KCNK9: variants seen among roughly 807,000 people sequenced by gnomAD.
The protein encoded by KCNK9 is potassium channel subfamily K member 9.
KCNK9 carries 1 observed loss-of-function variant against 10.8 expected under a neutral mutation model. That is an observed-to-expected ratio of 0.09 (90% CI 0.03 to 0.44). KCNK9 has a LOEUF of 0.44. Among genes scored for constraint, KCNK9 ranks in the 20% least tolerant of loss-of-function variants. KCNK9 has a pLI of 0.97. For missense variants in KCNK9, 303 were observed against 515.0 expected, an observed-to-expected ratio of 0.59 and a Z score of 3.98; for synonymous variants, 231 against 222.7, an observed-to-expected ratio of 1.04 and a Z score of -0.33.
intron 1 of KCNK9, among the ~76,000 whole-genome samples, chr8:139,626,910 A>T (rs562829350): frequency 6.6e-6 from 1 of 152,338 alleles, no homozygotes; most frequent in East Asian, 1.9e-4. Flanking sequence ...CCTGGCTCCC[A>T]CGGAAGCCTG....
At chr8:139,649,124 A>G (rs896535521) in intron 1 of KCNK9, among the ~76,000 whole-genome samples, 1 of 151,998 alleles carries the variant, frequency 6.6e-6, no homozygotes, top group Admixed American at 6.5e-5. Context: ...CTTTTATTCC[A>G]TATCTCAGGA....
chr8:139,613,330 G>A (rs1254842889), downstream of KCNK9, among the ~76,000 whole-genome samples: 2 of 152,150 alleles, frequency 1.3e-5, no homozygotes, highest in South Asian at 2.1e-4. Context: ...GTGGGGGACC[G>A]TGGTCATAGA....
At chr8:139,621,397 A>G (rs1814776206) in intron 1 of KCNK9, among the ~76,000 whole-genome samples, 1 of 152,180 alleles carries the variant, frequency 6.6e-6, no homozygotes, top group African/African-American at 2.4e-5. Flanking sequence ...CACACGCCAG[A>G]GTCAAGCTGC....
intron 1 of KCNK9, among the ~76,000 whole-genome samples, chr8:139,669,588 C>A (rs991761082): frequency 6.6e-6 from 1 of 152,234 alleles, no homozygotes; most frequent in East Asian, 1.9e-4. Context: ...CATCTTCAGG[C>A]TCCACTTCTA....
chr8:139,639,316 A>C (rs1370508775), intron 1 of KCNK9, among the ~76,000 whole-genome samples: 6 of 152,250 alleles, frequency 3.9e-5, no homozygotes, highest in African/African-American at 1.4e-4. Context: ...GGAGGCATGG[A>C]AGGTGGAGAC....
chr8:139,605,642 T>C (rs1817469565), intron 2 of KCNK9, among the ~76,000 whole-genome samples: 2 of 152,160 alleles, frequency 1.3e-5, no homozygotes, highest in Non-Finnish European at 2.9e-5. Flanking sequence ...AAACGTGCCA[T>C]AGAGATTTTA....
intron 1 of KCNK9, among the ~76,000 whole-genome samples, chr8:139,655,033 G>T (rs983460698): frequency 2.4e-4 from 36 of 152,148 alleles, no homozygotes; most frequent in African/African-American, 8.2e-4. Context: ...GGCGGGGGGC[G>T]GGCGCTGGGG....
chr8:139,603,724 C>G (rs890843581), intron 2 of KCNK9, among the ~76,000 whole-genome samples: 6 of 152,282 alleles, frequency 3.9e-5, no homozygotes, highest in African/African-American at 1.4e-4. Flanking sequence ...GAGCTTGGGC[C>G]TTGGCTAAAA....
intron 1 of KCNK9, among the ~76,000 whole-genome samples, chr8:139,629,157 A>G (rs1002823460): frequency 6.6e-6 from 1 of 152,252 alleles, no homozygotes; most frequent in African/African-American, 2.4e-5. Flanking sequence ...GAGCCTCGAT[A>G]CACATCAGCT....
chr8:139,621,433 T>C (rs1234836454), intron 1 of KCNK9, among the ~76,000 whole-genome samples: 1 of 152,054 alleles, frequency 6.6e-6, no homozygotes, highest in African/African-American at 2.4e-5. Flanking sequence ...ATAATGAAAG[T>C]AGCCAGAGAG....
intron 1 of KCNK9, among the ~76,000 whole-genome samples, chr8:139,658,810 T>A (rs930170657): frequency 1.3e-5 from 2 of 152,264 alleles, no homozygotes; most frequent in Non-Finnish European, 2.9e-5. Flanking sequence ...GCTCTCCTTC[T>A]GGGCTGTTCC....
At chr8:139,683,298 C>T (rs989373637) in intron 1 of KCNK9, among the ~76,000 whole-genome samples, 1 of 152,136 alleles carries the variant, frequency 6.6e-6, no homozygotes, top group Non-Finnish European at 1.5e-5. Flanking sequence ...GAAGAGCACC[C>T]GCCCCACCCC....
At chr8:139,696,948 G>A (rs1817072796) in intron 1 of KCNK9, among the ~76,000 whole-genome samples, 1 of 150,714 alleles carries the variant, frequency 6.6e-6, no homozygotes, top group African/African-American at 2.4e-5. Flanking sequence ...GGAGTGGGTG[G>A]GTGGATGAAT....
chr8:139,612,458 C>G (rs907322769), downstream of KCNK9: 1 of 152,172 alleles, frequency 6.6e-6, no homozygotes, highest in Admixed American at 6.5e-5. Flanking sequence ...CGAAAGAGCC[C>G]GACGGGCTTG....
chr8:139,700,048 C>T (rs1817165913), intron 1 of KCNK9, among the ~76,000 whole-genome samples: 1 of 151,886 alleles, frequency 6.6e-6, no homozygotes, highest in African/African-American at 2.4e-5. Flanking sequence ...TGTTCTAGGC[C>T]TAGGAGCATC....
Position 139,617,954 on chromosome 8 carries a change from A to C in KCNK9, c.*304T>G, listed in dbSNP as rs1015904066. ...ATCTGTCCCGGGAAAACCACTGCAG[A>C]GATGATGGGGTGGGTGGGGTGAGAA... On this transcript the variant is annotated 3_prime_UTR_variant, in exon 2 of 2. Coordinates refer to ENST00000520439, the MANE Select transcript of KCNK9 (RefSeq NM_001282534.2). 1.8e-5 allele frequency: 7 copies of C among 399,736 alleles called. No individual in the cohort carries two copies. The East Asian group carries it at 3.9e-4, about 22-fold the overall frequency. The allele number at this position is 399,736 out of a possible 1,614,324, so 24.8% of individuals were successfully genotyped here.
At position 139,703,115 on chromosome 8, in the gene KCNK9, G is replaced by C; in HGVS notation, c.-123C>G. On this transcript the variant is annotated 5_prime_UTR_variant, in exon 1 of 2. Coordinates refer to ENST00000520439, the MANE Select transcript of KCNK9 (RefSeq NM_001282534.2). This position sits in a 1 kb window ranked among gnomAD's most constrained non-coding sequence, Gnocchi z 6.4. ...CCGCCGCCGCCGCCGCCGCCTCCAA[G>C]TTGTAAGCGGCGGCGGCAGCAGCAG... The C allele has an allele frequency of 1.4e-6, 1 of 734,204 alleles. No homozygotes were observed. Among genetic ancestry groups the C allele is most frequent in the Non-Finnish European group, 1.8e-6 (1 of 544,658 alleles). 45.5% of individuals were successfully genotyped at this position (734,204 alleles called of 1,614,324 possible).
At position 139,693,599 on chromosome 8, in the gene KCNK9, T is replaced by C. The variant is rs556482850; in HGVS notation, c.283+9111A>G. ...ACCAGCAGCCCCTAGGGAATACTGA[T>C]GTCTACTCAGAAAACTGAGTAGCAC... On this transcript the variant is annotated intron_variant, in intron 1 of 1. Transcript: ENST00000520439. The surrounding 1 kb of genome is among the most constrained non-coding windows in gnomAD (Gnocchi z 4.1). Among the ~76,000 whole-genome samples, 93 of 152,254 alleles carry C rather than the reference T, an allele frequency of 6.1e-4. No homozygotes were observed. The highest frequency in any genetic ancestry group is 3.4e-3 in the Middle Eastern group (1 of 294).
At chr8:139,631,329 C>T (rs11783497) in intron 1 of KCNK9, among the ~76,000 whole-genome samples, 11,345 of 152,290 alleles carry the variant, frequency 0.074, 642 homozygotes, top group Admixed American at 0.17. Flanking sequence ...ATTTTCCCTT[C>T]CTCAACCCAC....
Sources: allele counts gnomAD v4.1 joint callset (sites outside exome capture counted in the v4.1 genomes callset), GRCh38; gene constraint gnomAD v4.1.1; non-coding constraint Gnocchi (gnomAD v3.1); transcripts MANE v1.5; gene names NCBI Gene and HGNC (gene_info 2026-07-23, HGNC 2026-07-21).